The following DIP2C variants were observed in gnomAD, a reference collection of about 807,000 sequenced individuals.
DIP2C encodes the protein disco-interacting protein 2 homolog C.
In DIP2C, 33 loss-of-function variants were observed where a neutral mutation model predicts 192.4. That is an observed-to-expected ratio of 0.17 (90% CI 0.13 to 0.23). DIP2C has a LOEUF of 0.23. DIP2C is among the 10% of genes least tolerant of loss of function. The pLI is 1.00. For missense variants in DIP2C, 1,537 were observed against 2,110.1 expected (o/e 0.73, Z 5.32); for synonymous variants, 979 against 864.1 (o/e 1.13, Z -2.33).
rs1954570162 is a variant in DIP2C at position 277,381 on chromosome 10, G to A, written c.4615C>T (p.Arg1539Ter). ...AGCTGGTCTGCCAAAAACCCGTCTC[G>A]CAGGTGCATGCGCTGCTTCTCCCCA... ...SRGEKQRMHL[R>*]DGFLADQLDP... Residue 1539 changes from arginine (R) to a stop codon, truncating the protein, a stop_gained, in exon 37 of 37, where the codon CGA becomes TGA. Coordinates refer to ENST00000280886, the MANE Select transcript of DIP2C (RefSeq NM_014974.3). LOFTEE classifies it high-confidence loss of function. 1.2e-6 allele frequency: 2 copies of A among 1,614,158 alleles called. No individual in the cohort carries two copies. The highest frequency in any genetic ancestry group is 1.7e-6 in the Non-Finnish European group (2 of 1,180,036).
intron 32 of DIP2C, among the ~76,000 whole-genome samples, chr10:299,465 A>AGT (rs1485453865): frequency 4.6e-5 from 7 of 152,260 alleles, no homozygotes; most frequent in African/African-American, 1.7e-4. Context: ...TTTGAAGAAT[A>AGT]GTGTCCCTGC....
In DIP2C at chr10:277,609, T is replaced by C. The variant is rs769364322; in HGVS notation, c.4419-32A>G. 4 of 1,609,786 alleles carry C rather than the reference T, an allele frequency of 2.5e-6. No homozygotes were observed. In the South Asian group the frequency reaches 3.3e-5, roughly 13 times the overall value. The stretch of plus-strand genomic sequence containing the variant: ...GACAGAAAAGAAAGCCATCATTATA[T>C]GTTTATTAATGCTTTATTTAATAGC... On this transcript the variant is annotated intron_variant, in intron 36 of 36. Transcript: ENST00000280886.
At position 390,109 on chromosome 10, in the gene DIP2C, G is replaced by A. The variant is rs778560351; in HGVS notation, c.1495-16C>T. The A allele has an allele frequency of 6.2e-7, 1 of 1,611,412 alleles. No individual in the cohort carries two copies. The highest frequency in any genetic ancestry group is 8.5e-7 in the Non-Finnish European group (1 of 1,177,940). On this transcript the variant is annotated splice_polypyrimidine_tract_variant and intron_variant, in intron 12 of 36. Transcript: ENST00000280886. ...ACGTCTTGTACTGAAACGAGACAAA[G>A]CGTGAGGGAAGTGGGGCTGACAGGT...
chr10:626,394 T>G (rs1200616722), intron 1 of DIP2C, among the ~76,000 whole-genome samples: 1 of 148,270 alleles, frequency 6.7e-6, no homozygotes, highest in African/African-American at 2.6e-5. Context: ...CAAAGGCACC[T>G]GGAGAAGTGG....
chr10:361,375 G>C (rs1219491391), intron 22 of DIP2C, among the ~76,000 whole-genome samples: 1 of 152,088 alleles, frequency 6.6e-6, no homozygotes, highest in Non-Finnish European at 1.5e-5. Flanking sequence ...TCCTGACCTC[G>C]GCGTGAGGCT....
chr10:279,162 T>C (rs75135026), intron 36 of DIP2C, among the ~76,000 whole-genome samples: 36 of 152,312 alleles, frequency 2.4e-4, no homozygotes, highest in African/African-American at 8.7e-4. Context: ...CTATGGAGCA[T>C]GCTAAGAGCT....
At chr10:597,828 T>C (rs986109602) in intron 1 of DIP2C, among the ~76,000 whole-genome samples, 1 of 152,140 alleles carries the variant, frequency 6.6e-6, no homozygotes, top group South Asian at 2.1e-4. Flanking sequence ...CTTACACCCA[T>C]GAGGTCCTAG....
chr10:577,321 A>G (rs1850233158), intron 1 of DIP2C, among the ~76,000 whole-genome samples: 1 of 152,248 alleles, frequency 6.6e-6, no homozygotes, highest in Non-Finnish European at 1.5e-5. Flanking sequence ...TTAGAGGAAG[A>G]AGAAGTATCG....
chr10:438,042 A>ACC (rs1008853348), intron 4 of DIP2C: 1 of 152,238 alleles, frequency 6.6e-6, no homozygotes, highest in African/African-American at 2.4e-5. Context: ...GTACAAAACT[A>ACC]CCCCATGTGA....
intron 3 of DIP2C, 62 bp downstream of exon 3, chr10:472,375 GCA>G: frequency 1.3e-6 from 2 of 1,492,202 alleles, no homozygotes; most frequent in Admixed American, 3.4e-5. Context: ...CAGTGGCTGG[GCA>G]CAGGCACCGT....
At chr10:424,355 GTTTTTTTTTTTTT>G (rs557255878) in intron 4 of DIP2C, among the ~76,000 whole-genome samples, 1 of 83,120 alleles carries the variant, frequency 1.2e-5, no homozygotes, top group African/African-American at 4.5e-5. Flanking sequence ...ATCACCTTGG[GTTTTTTTTTTTTT>G]TTTTTTTTTT....
intron 4 of DIP2C, among the ~76,000 whole-genome samples, chr10:439,367 T>C (rs61837199): frequency 1.6e-4 from 24 of 150,916 alleles, no homozygotes; most frequent in African/African-American, 5.2e-4. Context: ...GCGTTCACTC[T>C]CTTGCCCGCT....
At chr10:654,842 A>T (rs1416093513) in intron 1 of DIP2C, among the ~76,000 whole-genome samples, 3 of 152,092 alleles carry the variant, frequency 2.0e-5, no homozygotes, top group Non-Finnish European at 4.4e-5. Context: ...CACTACTATG[A>T]TCGGTTTGTT....
intron 1 of DIP2C, among the ~76,000 whole-genome samples, chr10:684,945 CA>C (rs1254476714): frequency 6.6e-5 from 10 of 151,674 alleles, no homozygotes; most frequent in Non-Finnish European, 1.0e-4. Flanking sequence ...CCAGCCTGGC[CA>C]ACATGGTGAA....
rs113448779 is a variant in DIP2C, at chr10:489,102, C to T, written c.86-2572G>A. Among the ~76,000 whole-genome samples, 247 of 152,252 alleles carry T rather than the reference C, an allele frequency of 1.6e-3. 3 individuals are homozygous for T. Among genetic ancestry groups the T allele is most frequent in the African/African-American group, 5.8e-3 (239 of 41,542 alleles). ...TGTGCATGCTACCCCAAAGCCGAAG[C>T]GCTGGATGCCACGGCCCTGAGACCA... is the stretch of plus-strand genomic sequence containing the variant. On this transcript the variant is annotated intron_variant, in intron 1 of 36. Coordinates refer to ENST00000280886, the MANE Select transcript of DIP2C (RefSeq NM_014974.3).
intron 1 of DIP2C, among the ~76,000 whole-genome samples, chr10:637,432 G>A (rs982530981): frequency 1.3e-5 from 2 of 152,258 alleles, no homozygotes; most frequent in Non-Finnish European, 2.9e-5. Flanking sequence ...TCTCAGGCTA[G>A]GAAGTCCATG....
chr10:370,082 G>T, intron 17 of DIP2C: 2 of 978,380 alleles, frequency 2.0e-6, no homozygotes, highest in Non-Finnish European at 2.4e-6. Context: ...CAGCAATGAT[G>T]GAAATCCTGA....
At chr10:674,830 A>AGAGAGAGAGAGAGAGC (rs1830818198) in intron 1 of DIP2C, among the ~76,000 whole-genome samples, 2 of 144,878 alleles carry the variant, frequency 1.4e-5, no homozygotes, top group African/African-American at 5.1e-5. Flanking sequence ...AGAGAGAGAG[A>AGAGAGAGAGAGAGAGC]CCAACACAAC....
chr10:486,591 C>T (rs778631221), intron 1 of DIP2C, 61 bp from the exon 2 acceptor site: 19 of 1,413,700 alleles, frequency 1.3e-5, no homozygotes, highest in African/African-American at 7.3e-5. Context: ...TATCATTCAA[C>T]GGTGCCCAAG....
Sources: gnomAD v4.1 joint callset for allele counts (sites outside exome capture counted in the v4.1 genomes callset) on GRCh38, gnomAD v4.1.1 for gene constraint, MANE v1.5 for transcripts, NCBI Gene and HGNC (gene_info 2026-07-23, HGNC 2026-07-21) for gene names.